Variants in AEBP2 observed in about 807,000 individuals in gnomAD.
AEBP2 encodes the protein AE binding protein 2.
Under a neutral mutation model 50.8 loss-of-function variants are expected in AEBP2, and 10 were observed. That is an observed-to-expected ratio of 0.20 (90% CI 0.12 to 0.33). The LOEUF (loss-of-function observed/expected upper bound fraction) is 0.33, where lower values mean the gene tolerates loss of function less well. AEBP2 is among the 10% of genes least tolerant of loss of function. AEBP2 has a pLI of 1.00. For synonymous variants in AEBP2, 296 were observed against 261.3 expected, an observed-to-expected ratio of 1.13 and a Z score of -1.28; for missense variants, 570 against 688.0, an observed-to-expected ratio of 0.83 and a Z score of 1.92.
intron 1 of AEBP2, among the ~76,000 whole-genome samples, chr12:19,406,436 TGGGAGGCCCA>T (rs1424788694): frequency 5.3e-5 from 8 of 152,072 alleles, no homozygotes; most frequent in African/African-American, 1.9e-4. Context: ...ACGCACACTT[TGGGAGGCCCA>T]GGTGGGTGGA....
intron 1 of AEBP2, among the ~76,000 whole-genome samples, chr12:19,444,892 A>G (rs915588669): frequency 2.0e-5 from 3 of 152,138 alleles, no homozygotes; most frequent in African/African-American, 7.2e-5. Context: ...GTATGTATGT[A>G]TGCATTTATG....
At chr12:19,456,767 T>C in intron 1 of AEBP2, 1 of 1,587,578 alleles carries the variant, frequency 6.3e-7, no homozygotes, top group Non-Finnish European at 8.7e-7. Context: ...CGACAGATTT[T>C]ACTTCAGTTT....
In AEBP2 at chr12:19,439,849, G is replaced by A. The variant is rs1052662971; in HGVS notation, c.150G>A (p.Glu50=). 2 of 1,492,284 alleles carry A rather than the reference G, an allele frequency of 1.3e-6. No homozygotes were observed. The highest frequency in any genetic ancestry group is 1.8e-6 in the Non-Finnish European group (2 of 1,130,094). 92.4% of individuals were successfully genotyped at this position (1,492,284 alleles called of 1,614,324 possible). A position where few individuals can be genotyped will look rare whatever the true frequency, so the allele number is the denominator to read the frequency against. The change falls in exon 1 of 8, where the codon GAG becomes GAA. Residue 50 remains glutamate (E), a synonymous_variant. Coordinates refer to ENST00000266508, the MANE Select transcript of AEBP2 (RefSeq NM_153207.5). ...EEEEEEEEEA[E]AEAVAALLLN... is the part of the protein sequence containing the mutation. ...AGGAGGAGGAGGAAGAGGAGGCGGA[G>A]GCCGAGGCGGTGGCGGCGCTGCTGC...
At chr12:19,506,098 A>G (rs1949153184) in intron 5 of AEBP2, among the ~76,000 whole-genome samples, 1 of 151,326 alleles carries the variant, frequency 6.6e-6, no homozygotes. Context: ...TTAAAATAAT[A>G]TATATAATAT....
At chr12:19,460,232 T>G (rs1010019892) in intron 1 of AEBP2, among the ~76,000 whole-genome samples, 5 of 151,872 alleles carry the variant, frequency 3.3e-5, no homozygotes, top group African/African-American at 1.2e-4. Context: ...CCCCTCACAA[T>G]AGGTACATTT....
intron 3 of AEBP2, among the ~76,000 whole-genome samples, chr12:19,490,873 T>C (rs1183983579): frequency 6.6e-6 from 1 of 152,186 alleles, no homozygotes; most frequent in Admixed American, 6.6e-5. Flanking sequence ...ATGGAAATAG[T>C]GTTGGCGAGA....
chr12:19,515,962 G>T (rs976040831), intron 7 of AEBP2, among the ~76,000 whole-genome samples: 7 of 152,090 alleles, frequency 4.6e-5, no homozygotes, highest in Non-Finnish European at 8.8e-5. Context: ...GCACATGCCT[G>T]TGGTCCCAGC....
intron 2 of AEBP2, among the ~76,000 whole-genome samples, chr12:19,467,038 A>G (rs1282823443): frequency 6.6e-6 from 1 of 152,094 alleles, no homozygotes; most frequent in Non-Finnish European, 1.5e-5. Context: ...TGGAGTTTAG[A>G]TTTTCCTGGC....
chr12:19,518,448 T>TC lies in AEBP2; in HGVS notation c.*332dup. 1 of 1,237,416 alleles carries TC rather than the reference T, an allele frequency of 8.1e-7. No homozygotes were observed. The highest frequency in any genetic ancestry group is 1.0e-6 in the Non-Finnish European group (1 of 988,670). 76.7% of individuals were successfully genotyped at this position (1,237,416 alleles called of 1,614,324 possible). ...TGCTGCTTTAAGCTGCTTTTTTTTT[T>TC]CTTTTCTTCCCTTTAGTGATTTCAG... is the stretch of plus-strand genomic sequence containing the variant. On this transcript the variant is annotated 3_prime_UTR_variant, in exon 8 of 8. Transcript: ENST00000266508.
chr12:19,425,475 A>T (rs2095748055), intron 1 of AEBP2, among the ~76,000 whole-genome samples: 1 of 151,972 alleles, frequency 6.6e-6, no homozygotes, highest in African/African-American at 2.4e-5. Flanking sequence ...TGGATCAAAT[A>T]GATGAATTAG....
chr12:19,460,466 G>T (rs1448231475), intron 1 of AEBP2, among the ~76,000 whole-genome samples: 2 of 151,952 alleles, frequency 1.3e-5, no homozygotes, highest in Non-Finnish European at 2.9e-5. Context: ...GCAATTCTCT[G>T]TCTCAGCCTC....
chr12:19,463,206 G>A (rs1948409093), intron 2 of AEBP2, among the ~76,000 whole-genome samples: 1 of 152,186 alleles, frequency 6.6e-6, no homozygotes, highest in South Asian at 2.1e-4. Context: ...TCTTGTCAGA[G>A]CTGATTTAGA....
chr12:19,440,343 C>T lies in AEBP2; in HGVS notation c.644C>T (p.Pro215Leu), dbSNP rs767844361. 1.4e-6 allele frequency: 2 copies of T among 1,470,568 alleles called. No individual in the cohort carries two copies. Among genetic ancestry groups the T allele is most frequent in the Non-Finnish European group, 1.8e-6 (2 of 1,118,610 alleles). 91.1% of individuals were successfully genotyped at this position (1,470,568 alleles called of 1,614,324 possible). ...GSLEMSSDGE[P>L]LSRMDSEDSI... ...TTGGAGATGTCGTCGGATGGGGAAC[C>T]CCTGAGCCGCATGGACTCGGAGGAC... The change falls in exon 1 of 8, where the codon CCC becomes CTC. Residue 215 changes from proline to leucine, a missense_variant. Transcript: ENST00000266508.
Position 19,458,593 on chromosome 12 carries a change from A to G in AEBP2, c.672-3917A>G, listed in dbSNP as rs113016390. ...AGACTCAACAATGATTACCGTTACCAGATTTTGGACTTTTTTATATGGTTC... is the reference window on the plus strand; with the variant it reads ...AGACTCAACAATGATTACCGTTACCGGATTTTGGACTTTTTTATATGGTTC... On this transcript the variant is annotated intron_variant, in intron 1 of 7. Transcript: ENST00000266508. Among the ~76,000 whole-genome samples, 437 of 152,318 alleles carry G rather than the reference A, an allele frequency of 2.9e-3. 1 individual carries two copies. The highest frequency in any genetic ancestry group is 9.9e-3 in the African/African-American group (413 of 41,568).
intron 2 of AEBP2, among the ~76,000 whole-genome samples, chr12:19,466,577 A>G (rs1293586526): frequency 1.3e-5 from 2 of 152,218 alleles, no homozygotes; most frequent in South Asian, 2.1e-4. Flanking sequence ...ATTGAAATCT[A>G]TACCCATTAA....
At chr12:19,440,517 G>C (rs1947934807) in intron 1 of AEBP2, 147 bp downstream of exon 1, 1 of 1,375,874 alleles carries the variant, frequency 7.3e-7, no homozygotes, top group Non-Finnish European at 9.4e-7. Flanking sequence ...GAAATCTCTC[G>C]CCGTCGCCGC....
chr12:19,404,874 AT>A (rs2095735353), intron 1 of AEBP2, among the ~76,000 whole-genome samples: 2 of 138,424 alleles, frequency 1.4e-5, no homozygotes, highest in South Asian at 4.5e-4. Context: ...TTACGATATT[AT>A]TTTTAGTTTC....
chr12:19,407,563 A>G (rs1009197550), intron 1 of AEBP2, among the ~76,000 whole-genome samples: 1 of 152,028 alleles, frequency 6.6e-6, no homozygotes, highest in African/African-American at 2.4e-5. Flanking sequence ...TGGCCTCCCA[A>G]AGTGCTGGTA....
At chr12:19,453,126 C>T (rs914821105) in intron 1 of AEBP2, among the ~76,000 whole-genome samples, 1 of 151,550 alleles carries the variant, frequency 6.6e-6, no homozygotes, top group Admixed American at 6.6e-5. Context: ...CCGCCACCAG[C>T]CCCGGATGAT....
Sources: allele counts gnomAD v4.1 joint callset (sites outside exome capture counted in the v4.1 genomes callset), GRCh38; gene constraint gnomAD v4.1.1; transcripts MANE v1.5; gene names NCBI Gene and HGNC (gene_info 2026-07-23, HGNC 2026-07-21).